The following RBFOX2 variants were observed in gnomAD, a reference collection of about 807,000 sequenced individuals.
RBFOX2 encodes the protein RNA binding fox-1 homolog 2.
In RBFOX2, 10 loss-of-function variants were observed where a neutral mutation model predicts 49.1. That is an observed-to-expected ratio of 0.20 (90% confidence interval 0.13 to 0.35). The LOEUF (loss-of-function observed/expected upper bound fraction) is 0.35. Ranked by LOEUF, RBFOX2 falls within the 10% of genes least tolerant of loss-of-function variation. The pLI, the probability that RBFOX2 is intolerant of heterozygous loss-of-function variation, is 1.00. For synonymous variants in RBFOX2, 183 were observed against 187.4 expected (o/e 0.98, Z 0.19); for missense variants, 323 against 486.9 (o/e 0.66, Z 3.17).
At chr22:35,862,068 T>G (rs2149093363) in intron 1 of RBFOX2, among the ~76,000 whole-genome samples, 1 of 152,268 alleles carries the variant, frequency 6.6e-6, no homozygotes, top group South Asian at 2.1e-4. Flanking sequence ...TACTAGAAAT[T>G]GCCAACTAAT....
chr22:35,797,489 A>G (rs967839032), intron 2 of RBFOX2, among the ~76,000 whole-genome samples: 5 of 152,234 alleles, frequency 3.3e-5, no homozygotes, highest in African/African-American at 4.8e-5. Context: ...AATGTGGGAA[A>G]TTAATAAAAT....
At chr22:35,894,961 CTT>C (rs2047660363) in intron 1 of RBFOX2, among the ~76,000 whole-genome samples, 1 of 149,332 alleles carries the variant, frequency 6.7e-6, no homozygotes, top group African/African-American at 2.4e-5. Flanking sequence ...CCCAAAATCA[CTT>C]GAGTTAAAAA....
At chr22:35,909,864 C>T (rs1032896207) in intron 1 of RBFOX2, among the ~76,000 whole-genome samples, 17 of 152,174 alleles carry the variant, frequency 1.1e-4, no homozygotes, top group Non-Finnish European at 1.0e-4. Context: ...CCACCCACCT[C>T]GGCCTCCCAA....
rs570491828 is a variant in RBFOX2, at chr22:36,005,001, C to T, written c.186+23239G>A. 3.9e-5 allele frequency among the ~76,000 whole-genome samples: 6 copies of T among 152,284 alleles called. No individual in the cohort carries two copies. The South Asian group carries it at 1.2e-3, about 32-fold the overall frequency. ...TTCTCTGAGGAAAGGTTGAGTTCCT[C>T]TAACATAAGCTCATTCAACTTCCCT... On this transcript the variant is annotated intron_variant, in intron 1 of 13. Transcript: ENST00000438146.
upstream of RBFOX2, among the ~76,000 whole-genome samples, chr22:35,842,305 T>A (rs2040605286): frequency 6.6e-6 from 1 of 152,156 alleles, no homozygotes; most frequent in South Asian, 2.1e-4. Context: ...GATCTTCAAA[T>A]ATTAGGAAAA....
chr22:35,924,722 G>A (rs190709052), intron 1 of RBFOX2, among the ~76,000 whole-genome samples: 2 of 152,230 alleles, frequency 1.3e-5, no homozygotes, highest in East Asian at 1.9e-4. Flanking sequence ...AATTTATCCC[G>A]TTACCACACT....
chr22:36,002,556 A>C (rs1370675081), intron 1 of RBFOX2, among the ~76,000 whole-genome samples: 1 of 152,258 alleles, frequency 6.6e-6, no homozygotes, highest in Non-Finnish European at 1.5e-5. Context: ...TTATGTGCAC[A>C]GAAGTTCTCC....
intron 1 of RBFOX2, among the ~76,000 whole-genome samples, chr22:35,907,678 C>T (rs1395726259): frequency 1.3e-5 from 2 of 151,716 alleles, no homozygotes; most frequent in African/African-American, 4.8e-5. Flanking sequence ...AACAGAGTGT[C>T]GCTCCGTCGC....
exon 1 of RBFOX2, chr22:35,961,584 G>A: frequency 7.7e-7 from 1 of 1,303,998 alleles, no homozygotes; most frequent in Non-Finnish European, 1.0e-6. Flanking sequence ...TCCTGGGCTG[G>A]TCCATGGAAT....
At chr22:35,980,189 A>C (rs1032655893) in intron 1 of RBFOX2, among the ~76,000 whole-genome samples, 1 of 152,202 alleles carries the variant, frequency 6.6e-6, no homozygotes, top group Admixed American at 6.5e-5. Flanking sequence ...TAGGTCATGT[A>C]GGTAAAAGAT....
At chr22:35,985,264 T>C (rs2057652813) in intron 1 of RBFOX2, among the ~76,000 whole-genome samples, 1 of 152,132 alleles carries the variant, frequency 6.6e-6, no homozygotes, top group Admixed American at 6.6e-5. Context: ...CGTAATCAAC[T>C]AAAAGTCAAG....
chr22:35,867,081 C>T (rs1014925029), intron 1 of RBFOX2, among the ~76,000 whole-genome samples: 1 of 123,738 alleles, frequency 8.1e-6, no homozygotes, highest in African/African-American at 4.4e-5. Context: ...CACACATGCA[C>T]ACACACACAC....
intron 1 of RBFOX2, among the ~76,000 whole-genome samples, chr22:35,955,763 AGGCCACAAGCCAGTACCAGACTGT>A (rs2055482092): frequency 6.6e-6 from 1 of 152,086 alleles, no homozygotes; most frequent in Non-Finnish European, 1.5e-5. Flanking sequence ...GGTTCCTAAC[AGGCCACAAGCCAGTACCAGACTGT>A]GGCCTGGGGA....
At chr22:35,838,427 G>A (rs1034066214) in intron 1 of RBFOX2, among the ~76,000 whole-genome samples, 2 of 152,034 alleles carry the variant, frequency 1.3e-5, no homozygotes, top group African/African-American at 4.8e-5. Context: ...GGGTCTCAGA[G>A]GTGATCGGCG....
chr22:35,862,205 TGTG>T lies in RBFOX2; in HGVS notation c.-33-52204_-33-52202del, dbSNP rs1267577902. Among the ~76,000 whole-genome samples the T allele has an allele frequency of 2.6e-5, 4 of 152,288 alleles. No homozygotes were observed. In the East Asian group the frequency reaches 7.7e-4, roughly 29 times the overall value. Reference sequence around the variant, plus strand: ...TGATTCATATGTTAATTATCTTGGTTGTGGTGATTTCACGGGTATATACATATG... The same window carrying T: ...TGATTCATATGTTAATTATCTTGGTTGTGATTTCACGGGTATATACATATG... On this transcript the variant is annotated intron_variant, in intron 1 of 13. Transcript: ENST00000359369.
chr22:36,001,222 CA>C (rs2058407198), intron 1 of RBFOX2, among the ~76,000 whole-genome samples: 1 of 135,228 alleles, frequency 7.4e-6, no homozygotes, highest in East Asian at 2.2e-4. Flanking sequence ...CACACACACA[CA>C]CACACACACA....
chr22:35,871,268 G>C (rs1224273646), intron 1 of RBFOX2, among the ~76,000 whole-genome samples: 1 of 152,164 alleles, frequency 6.6e-6, no homozygotes, highest in Non-Finnish European at 1.5e-5. Context: ...TGTACTCTAT[G>C]GTTGGAGGAA....
intron 2 of RBFOX2, among the ~76,000 whole-genome samples, chr22:35,785,639 A>G (rs1476091661): frequency 1.3e-5 from 2 of 152,260 alleles, no homozygotes; most frequent in Admixed American, 6.5e-5. Context: ...CTCCAAATGA[A>G]TAACAGCTTT....
chr22:35,903,384 G>A (rs2149463949), intron 1 of RBFOX2, among the ~76,000 whole-genome samples: 1 of 152,030 alleles, frequency 6.6e-6, no homozygotes, highest in East Asian at 1.9e-4. Flanking sequence ...ATGCATCACT[G>A]GTTACTGTTT....
Sources: allele counts gnomAD v4.1 joint callset (sites outside exome capture counted in the v4.1 genomes callset), GRCh38; gene constraint gnomAD v4.1.1; transcripts MANE v1.5; gene names NCBI Gene and HGNC (gene_info 2026-07-23, HGNC 2026-07-21).